Variants in CTNNA2 observed in about 807,000 individuals in gnomAD.
CTNNA2 encodes the protein catenin alpha 2.
In CTNNA2, 42 loss-of-function variants were observed where a neutral mutation model predicts 101.0. The observed-to-expected ratio is 0.42, with a 90% CI of 0.32 to 0.54. The LOEUF (loss-of-function observed/expected upper bound fraction) is 0.54, where lower values mean the gene tolerates loss of function less well. Ranked by LOEUF, CTNNA2 falls within the 20% of genes least tolerant of loss-of-function variation. CTNNA2 has a pLI of 0.14. For missense variants in CTNNA2, 871 were observed against 1,223.1 expected (o/e 0.71, Z 4.29); for synonymous variants, 450 against 456.4 (o/e 0.99, Z 0.18).
At chr2:79,507,711 G>C (rs7605358) in intron 5 of CTNNA2, among the ~76,000 whole-genome samples, 112,564 of 152,068 alleles carry the variant, frequency 0.74, 42,082 homozygotes, top group African/African-American at 0.85. Flanking sequence ...CAAAGAACAG[G>C]AGAGTAAGGT....
At chr2:79,847,630 C>T (rs1370844347) in intron 3 of CTNNA2, among the ~76,000 whole-genome samples, 1 of 145,010 alleles carries the variant, frequency 6.9e-6, no homozygotes, top group Non-Finnish European at 1.5e-5. Flanking sequence ...TCCTAGAGGT[C>T]ACACCTGGAT....
At chr2:79,228,246 A>T (rs1674446612) in intron 2 of CTNNA2, among the ~76,000 whole-genome samples, 1 of 152,172 alleles carries the variant, frequency 6.6e-6, no homozygotes, top group Non-Finnish European at 1.5e-5. Flanking sequence ...GACAGGATGA[A>T]TTATTTTCCT....
chr2:79,368,703 C>T (rs752391738), intron 3 of CTNNA2, among the ~76,000 whole-genome samples: 8 of 152,090 alleles, frequency 5.3e-5, no homozygotes, highest in African/African-American at 7.2e-5. Flanking sequence ...AGGAATTAAA[C>T]GCTACACCCT....
intron 2 of CTNNA2, among the ~76,000 whole-genome samples, chr2:79,718,304 G>A (rs1686242564): frequency 6.6e-6 from 1 of 152,112 alleles, no homozygotes; most frequent in South Asian, 2.1e-4. Flanking sequence ...AGATTGGAAT[G>A]ATCATATTCA....
chr2:79,275,908 A>C (rs906780105), intron 2 of CTNNA2, among the ~76,000 whole-genome samples: 3 of 152,034 alleles, frequency 2.0e-5, no homozygotes, highest in Non-Finnish European at 4.4e-5. Flanking sequence ...AGAATGTTAG[A>C]TGTTAAACAG....
Position 80,303,459 on chromosome 2 carries a change from T to G in CTNNA2, c.1057-89752T>G. 3 of 1,614,200 alleles carry G rather than the reference T, an allele frequency of 1.9e-6. No homozygotes were observed. The highest frequency in any genetic ancestry group is 2.5e-6 in the Non-Finnish European group (3 of 1,180,048). ...GGCAGTTGGGTGATCTGGTTGGAAC[T>G]CAGCGTGAGTTCCTTAACTCGGCGC... On this transcript the variant is annotated intron_variant, in intron 7 of 18. Coordinates refer to ENST00000402739, the MANE Select transcript of CTNNA2 (RefSeq NM_001282597.3). This position sits in a 1 kb window ranked among gnomAD's most constrained non-coding sequence, Gnocchi z 7.7.
intron 3 of CTNNA2, among the ~76,000 whole-genome samples, chr2:79,756,637 G>C (rs771176501): frequency 6.6e-6 from 1 of 152,036 alleles, no homozygotes; most frequent in East Asian, 1.9e-4. Context: ...ATATAAACAA[G>C]CCATAAACTG....
chr2:80,352,151 A>T (rs1673362071), intron 7 of CTNNA2, among the ~76,000 whole-genome samples: 2 of 152,142 alleles, frequency 1.3e-5, no homozygotes, highest in Non-Finnish European at 2.9e-5. Flanking sequence ...TCCAGCTTTC[A>T]AGTAATATAA....
chr2:80,635,971 C>CTTTTTTTTTTTTTTTTT (rs60757492), intron 18 of CTNNA2, among the ~76,000 whole-genome samples: 1 of 115,652 alleles, frequency 8.6e-6, no homozygotes, highest in Admixed American at 9.1e-5. Flanking sequence ...ATGCCCATTG[C>CTTTTTTTTTTTTTTTTT]TTTTTTTTTT....
chr2:79,715,113 A>C (rs1685993908), intron 2 of CTNNA2, among the ~76,000 whole-genome samples: 1 of 149,586 alleles, frequency 6.7e-6, no homozygotes, highest in African/African-American at 2.5e-5. Flanking sequence ...AGGCTGAGGC[A>C]GGAGAATCGC....
chr2:80,554,584 G>A (rs1692860837), intron 11 of CTNNA2, among the ~76,000 whole-genome samples: 2 of 152,132 alleles, frequency 1.3e-5, no homozygotes, highest in South Asian at 4.1e-4. Flanking sequence ...AGGGTAGAAA[G>A]AGGGAGGGAT....
At chr2:79,805,760 AC>A (rs1371346514) in intron 3 of CTNNA2, among the ~76,000 whole-genome samples, 1 of 151,986 alleles carries the variant, frequency 6.6e-6, no homozygotes, top group African/African-American at 2.4e-5. Flanking sequence ...ACACAGTGAA[AC>A]CCCGTTTCTA....
intron 1 of CTNNA2, among the ~76,000 whole-genome samples, chr2:79,556,952 C>T (rs1011292400): frequency 1.3e-5 from 2 of 151,904 alleles, no homozygotes; most frequent in African/African-American, 4.8e-5. Flanking sequence ...TTAAGTTACC[C>T]TACATGCTTG....
intron 7 of CTNNA2, among the ~76,000 whole-genome samples, chr2:80,389,580 G>A (rs1677319075): frequency 6.6e-6 from 1 of 152,082 alleles, no homozygotes; most frequent in Non-Finnish European, 1.5e-5. Flanking sequence ...TTAAAATTAT[G>A]GCCACATTTA....
intron 7 of CTNNA2, among the ~76,000 whole-genome samples, chr2:80,310,545 A>T (rs999830116): frequency 3.9e-5 from 6 of 152,190 alleles, no homozygotes; most frequent in Admixed American, 6.5e-5. Flanking sequence ...ATTTTGGAAG[A>T]GTCAAGACAG....
At chr2:79,715,204 T>TAAA (rs1686003917) in intron 2 of CTNNA2, among the ~76,000 whole-genome samples, 1 of 32,764 alleles carries the variant, frequency 3.1e-5, no homozygotes, top group African/African-American at 2.7e-4. Context: ...CAAAATTCCG[T>TAAA]CAAAAAAAAA....
At position 80,165,016 on chromosome 2, in the gene CTNNA2, T is replaced by C. The variant is rs548876812; in HGVS notation, c.1057-228195T>C. ...GAAGTGTAAAAGTGGTGTGCCTTAA[T>C]AGGGATTTCTTTCAGGTTACACTGC... is the stretch of plus-strand genomic sequence containing the variant. On this transcript the variant is annotated intron_variant, in intron 7 of 18. Coordinates refer to ENST00000402739, the MANE Select transcript of CTNNA2 (RefSeq NM_001282597.3). Among the ~76,000 whole-genome samples the C allele has an allele frequency of 3.4e-4, 51 of 151,380 alleles. No homozygotes were observed. In the South Asian group the frequency reaches 4.6e-3, roughly 14 times the overall value.
At chr2:80,201,367 C>CTTTTTTT (rs60448795) in intron 7 of CTNNA2, among the ~76,000 whole-genome samples, 23 of 80,734 alleles carry the variant, frequency 2.8e-4, no homozygotes, top group African/African-American at 4.2e-4. Context: ...CTTTTTCTTT[C>CTTTTTTT]TTTTTTTTTT....
intron 12 of CTNNA2, among the ~76,000 whole-genome samples, chr2:80,565,275 C>CAGAA (rs1693955848): frequency 6.6e-6 from 1 of 152,038 alleles, no homozygotes; most frequent in Non-Finnish European, 1.5e-5. Flanking sequence ...TAACATTGGC[C>CAGAA]TTCTTGGCAA....
Sources: gnomAD v4.1 joint callset for allele counts (sites outside exome capture counted in the v4.1 genomes callset) on GRCh38, gnomAD v4.1.1 for gene constraint, Gnocchi (gnomAD v3.1) non-coding constraint, MANE v1.5 for transcripts, NCBI Gene and HGNC (gene_info 2026-07-23, HGNC 2026-07-21) for gene names.